The following LYN variants were observed in gnomAD, a reference collection of about 807,000 sequenced individuals.
LYN encodes the protein LYN proto-oncogene, Src family tyrosine kinase, also known as tyrosine-protein kinase Lyn.
In LYN, 12 loss-of-function variants were observed where a neutral mutation model predicts 65.0. The observed-to-expected ratio is 0.18, with a 90% CI of 0.12 to 0.30. LYN has a LOEUF of 0.30. Among genes scored for constraint, LYN ranks in the 10% least tolerant of loss-of-function variants. LYN has a pLI of 1.00. For missense variants in LYN, 380 were observed against 623.2 expected (o/e 0.61, Z 4.16); for synonymous variants, 222 against 221.2 (o/e 1.00, Z -0.03).
chr8:55,905,011 G>A (rs1805379390), intron 1 of LYN, among the ~76,000 whole-genome samples: 1 of 152,152 alleles, frequency 6.6e-6, no homozygotes, highest in African/African-American at 2.4e-5. Context: ...GGGGGCCTAA[G>A]CATCAGTATT....
At chr8:55,944,032 T>C (rs1806703137) in intron 2 of LYN, among the ~76,000 whole-genome samples, 1 of 151,802 alleles carries the variant, frequency 6.6e-6, no homozygotes, top group East Asian at 1.9e-4. Context: ...GAGGTTGCAG[T>C]GAGCCGAGAT....
At chr8:55,951,431 C>T (rs768631968) in intron 6 of LYN, among the ~76,000 whole-genome samples, 3 of 151,366 alleles carry the variant, frequency 2.0e-5, no homozygotes, top group African/African-American at 7.3e-5. Context: ...TTTGGGAGGC[C>T]GAGACTGAGA....
chr8:55,940,749 C>A (rs1806586935), intron 1 of LYN, among the ~76,000 whole-genome samples: 1 of 152,200 alleles, frequency 6.6e-6, no homozygotes, highest in Non-Finnish European at 1.5e-5. Context: ...TTCAAAATCA[C>A]CTTTGCAGTC....
chr8:56,004,732 ATTAAG>A (rs1031129510), intron 12 of LYN, among the ~76,000 whole-genome samples: 65 of 152,242 alleles, frequency 4.3e-4, no homozygotes, highest in African/African-American at 1.5e-3. Flanking sequence ...TTATCTCTTA[ATTAAG>A]TTTTTTCCAC....
intron 1 of LYN, among the ~76,000 whole-genome samples, chr8:55,919,724 G>A (rs539038716): frequency 3.9e-5 from 6 of 152,278 alleles, no homozygotes; most frequent in East Asian, 1.9e-4. Context: ...CCTTCTCAGC[G>A]GGAGGCCAGC....
intron 1 of LYN, among the ~76,000 whole-genome samples, chr8:55,920,427 T>G (rs1260069328): frequency 2.0e-5 from 3 of 152,220 alleles, no homozygotes; most frequent in African/African-American, 7.2e-5. Context: ...TTCCTTGTTT[T>G]GGAGGACGGG....
In LYN at chr8:55,909,046, CACA is replaced by C. The variant is rs1805523450; in HGVS notation, c.-6+28944_-6+28946del. ...ACACACACACACACACACACACACA[CACA>C]CACCCCACATTTTCTTTACTTTTAT... On this transcript the variant is annotated intron_variant, in intron 1 of 12. Coordinates refer to ENST00000519728, the MANE Select transcript of LYN (RefSeq NM_002350.4). Among the ~76,000 whole-genome samples, 18 of 69,884 alleles carry C rather than the reference CACA, an allele frequency of 2.6e-4. No homozygotes were observed. The East Asian group carries it at 4.8e-3, about 19-fold the overall frequency. The allele number at this position is 69,884 out of a possible 152,430, so 45.8% of individuals were successfully genotyped here.
chr8:55,958,124 G>C (rs993624259), intron 8 of LYN, among the ~76,000 whole-genome samples: 3 of 152,138 alleles, frequency 2.0e-5, no homozygotes, highest in Non-Finnish European at 2.9e-5. Flanking sequence ...TACACCCCCT[G>C]TTCTGTCGTA....
intron 12 of LYN, among the ~76,000 whole-genome samples, chr8:56,000,505 A>AATCACGAG (rs1369766651): frequency 6.6e-6 from 1 of 151,792 alleles, no homozygotes; most frequent in African/African-American, 2.4e-5. Flanking sequence ...GAGGTGGGTG[A>AATCACGAG]ATCACGAGGT....
intron 1 of LYN, among the ~76,000 whole-genome samples, chr8:55,936,369 G>T (rs1362368497): frequency 6.6e-6 from 1 of 151,950 alleles, no homozygotes; most frequent in Non-Finnish European, 1.5e-5. Flanking sequence ...GCTGGGCGTG[G>T]TGGCTCATTC....
In LYN at chr8:55,951,952, T is replaced by C; in HGVS notation, c.488-14T>C. On this transcript the variant is annotated splice_polypyrimidine_tract_variant and intron_variant, in intron 6 of 12. Coordinates refer to ENST00000519728, the MANE Select transcript of LYN (RefSeq NM_002350.4). Reference sequence around the variant, plus strand: ...GTGAGATATAAACATTTACTTACACTTTTCCCCCCATAGGAAGCTTCTCTC... The same window carrying C: ...GTGAGATATAAACATTTACTTACACCTTTCCCCCCATAGGAAGCTTCTCTC... 3 of 1,607,144 alleles carry C rather than the reference T, an allele frequency of 1.9e-6. No individual in the cohort carries two copies. Among genetic ancestry groups the C allele is most frequent in the East Asian group, 2.2e-5 (1 of 44,758 alleles).
At chr8:55,935,159 C>G (rs547920787) in intron 1 of LYN, among the ~76,000 whole-genome samples, 50 of 152,286 alleles carry the variant, frequency 3.3e-4, no homozygotes, top group Admixed American at 2.2e-3. Flanking sequence ...TCCTATTACA[C>G]ATGACATTTA....
At position 55,971,386 on chromosome 8, in the gene LYN, A is replaced by G. The variant is rs148654954; in HGVS notation, c.1050+1593A>G. ...AGAAAACAGATCAGGAAATGGAGAA[A>G]GCAGAAGTCTGATAAACTTGGGCCA... On this transcript the variant is annotated intron_variant, in intron 10 of 12. Coordinates refer to ENST00000519728, the MANE Select transcript of LYN (RefSeq NM_002350.4). Among the ~76,000 whole-genome samples, 271 of 152,360 alleles carry G rather than the reference A, an allele frequency of 1.8e-3. 1 individual carries two copies. Among genetic ancestry groups the G allele is most frequent in the African/African-American group, 6.2e-3 (258 of 41,584 alleles).
At chr8:55,903,236 G>T (rs369727459) in intron 1 of LYN, among the ~76,000 whole-genome samples, 1 of 152,050 alleles carries the variant, frequency 6.6e-6, no homozygotes, top group South Asian at 2.1e-4. Context: ...CAAGTGATTC[G>T]CCCACCTCAG....
chr8:55,887,768 C>T (rs1414689383), intron 1 of LYN, among the ~76,000 whole-genome samples: 2 of 151,930 alleles, frequency 1.3e-5, no homozygotes, highest in East Asian at 3.9e-4. Context: ...CACCACCATG[C>T]CCAGCTACTT....
In LYN at chr8:55,902,494, A is replaced by AT. The variant is rs538305897; in HGVS notation, c.-6+22401dup. On this transcript the variant is annotated intron_variant, in intron 1 of 12. Coordinates refer to ENST00000519728, the MANE Select transcript of LYN (RefSeq NM_002350.4). The stretch of plus-strand genomic sequence containing the variant: ...AGGTGCGCTCCACAACGCCCAGCTA[A>AT]TTTTTTTTTTCTAGAAGTTGAATTG... Among the ~76,000 whole-genome samples the AT allele has an allele frequency of 3.1e-4, 46 of 149,392 alleles. No homozygotes were observed. The East Asian group carries it at 7.5e-3, about 24-fold the overall frequency.
chr8:55,950,494 C>T lies in LYN; in HGVS notation c.320C>T (p.Thr107Ile). ...GEWWKAKSLL[T>I]KKEGFIPSNY... ...TGGTGGAAAGCAAAGTCCCTTTTAA[C>T]AAAAAAAGAAGGCTTCATCCCCAGC... is the stretch of plus-strand genomic sequence containing the variant. Residue 107 changes from threonine to isoleucine, a missense_variant, in exon 5 of 13, where the codon ACA (threonine) becomes ATA (isoleucine). Physicochemically the swap from Thr to Ile is moderately conservative, Grantham distance 89 (BLOSUM62 -1). Coordinates refer to ENST00000519728, the MANE Select transcript of LYN (RefSeq NM_002350.4). The T allele has an allele frequency of 6.2e-7, 1 of 1,612,654 alleles. No individual in the cohort carries two copies. The highest frequency in any genetic ancestry group is 8.5e-7 in the Non-Finnish European group (1 of 1,179,664).
chr8:55,991,230 AG>A (rs1808239602), intron 10 of LYN, among the ~76,000 whole-genome samples: 1 of 152,190 alleles, frequency 6.6e-6, no homozygotes, highest in Admixed American at 6.5e-5. Context: ...TCTTTGTTGA[AG>A]GGTTGACACT....
At chr8:55,883,359 G>C (rs566627032) in intron 1 of LYN, among the ~76,000 whole-genome samples, 1 of 152,342 alleles carries the variant, frequency 6.6e-6, no homozygotes, top group Admixed American at 6.5e-5. Context: ...TCTGAACTAA[G>C]TGGCTAACTG....
Sources: allele counts gnomAD v4.1 joint callset (sites outside exome capture counted in the v4.1 genomes callset), GRCh38; gene constraint gnomAD v4.1.1; transcripts MANE v1.5; gene names NCBI Gene and HGNC (gene_info 2026-07-23, HGNC 2026-07-21).